ZFP14: variants seen among roughly 807,000 people sequenced by gnomAD.
The protein encoded by ZFP14 is zinc finger protein 14 homolog.
In ZFP14, 22 loss-of-function variants were observed where a neutral mutation model predicts 54.5. The ratio of observed to expected loss-of-function variants is 0.40; its 90% CI spans 0.29 to 0.58. ZFP14 has a LOEUF of 0.58. Among genes scored for constraint, ZFP14 ranks in the 20% least tolerant of loss-of-function variants. The pLI, the probability that ZFP14 is intolerant of heterozygous loss-of-function variation, is 0.39. For synonymous variants in ZFP14, 159 were observed against 204.0 expected (o/e 0.78, Z 1.88); for missense variants, 470 against 637.8 (o/e 0.74, Z 2.83).
rs752396384 is a variant in ZFP14, at chr19:36,340,114, TTCTC to T, written c.*106_*109del. On this transcript the variant is annotated 3_prime_UTR_variant, in exon 5 of 5. Transcript: ENST00000270001. The surrounding 1 kb of genome is among the most constrained non-coding windows in gnomAD (Gnocchi z 5.4). ...GAAGGCTTTTAAATCAACATATTCT[TTCTC>T]TAATATAAAATTTATTATGCTTGGA... The T allele has an allele frequency of 9.4e-6, 11 of 1,173,188 alleles. No homozygotes were observed. The highest frequency in any genetic ancestry group is 1.1e-5 in the Non-Finnish European group (10 of 875,302). 72.7% of individuals were successfully genotyped at this position (1,173,188 alleles called of 1,614,324 possible).
chr19:36,346,135 A>G (rs2031408689), intron 4 of ZFP14, among the ~76,000 whole-genome samples: 1 of 152,084 alleles, frequency 6.6e-6, no homozygotes, highest in Admixed American at 6.6e-5. Flanking sequence ...TCTACAAAAA[A>G]TTAGCCAGGC....
chr19:36,373,230 T>C (rs1461804922), intron 1 of ZFP14, among the ~76,000 whole-genome samples: 1 of 150,782 alleles, frequency 6.6e-6, no homozygotes, highest in Non-Finnish European at 1.5e-5. Context: ...TGAGCCGAGA[T>C]GGCGTCATTG....
intron 1 of ZFP14, among the ~76,000 whole-genome samples, chr19:36,370,954 T>C (rs1190726424): frequency 1.3e-5 from 2 of 152,198 alleles, no homozygotes; most frequent in Admixed American, 6.5e-5. Flanking sequence ...TGGAGATGTC[T>C]GAACTGCCTG....
At chr19:36,349,741 A>G (rs1600071472) in intron 4 of ZFP14, among the ~76,000 whole-genome samples, 1 of 149,170 alleles carries the variant, frequency 6.7e-6, no homozygotes, top group East Asian at 1.9e-4. Context: ...AAATATTAAA[A>G]TGAAAATGAA....
intron 4 of ZFP14, among the ~76,000 whole-genome samples, chr19:36,353,050 A>C (rs1309075266): frequency 7.1e-6 from 1 of 141,156 alleles, no homozygotes; most frequent in Non-Finnish European, 1.6e-5. Flanking sequence ...AGCCATGTTC[A>C]TGTCACTGCC....
intron 2 of ZFP14, among the ~76,000 whole-genome samples, chr19:36,366,566 C>T (rs914725145): frequency 6.6e-6 from 1 of 152,158 alleles, no homozygotes; most frequent in Non-Finnish European, 1.5e-5. Context: ...ATCTGCCCAC[C>T]TCAGCCTCCC....
intron 4 of ZFP14, among the ~76,000 whole-genome samples, chr19:36,359,368 C>A (rs1364954787): frequency 1.3e-5 from 2 of 152,102 alleles, no homozygotes; most frequent in African/African-American, 4.8e-5. Flanking sequence ...ATGTTGGCCT[C>A]ATAAAATGCA....
At chr19:36,348,008 A>G (rs1252676210) in intron 4 of ZFP14, among the ~76,000 whole-genome samples, 2 of 152,280 alleles carry the variant, frequency 1.3e-5, no homozygotes, top group South Asian at 4.1e-4. Flanking sequence ...AGGTGAGCCA[A>G]TATCATGCCA....
intron 4 of ZFP14, among the ~76,000 whole-genome samples, chr19:36,349,257 CAAAA>C (rs1171155676): frequency 4.7e-5 from 2 of 42,240 alleles, no homozygotes; most frequent in Admixed American, 6.9e-4. Context: ...AAAAAAAAAA[CAAAA>C]AAAAAAAAAC....
In ZFP14 at chr19:36,341,198, T is replaced by G; in HGVS notation, c.628A>C (p.Arg210=). 1 of 1,614,160 alleles carries G rather than the reference T, an allele frequency of 6.2e-7. No individual in the cohort carries two copies. The highest frequency in any genetic ancestry group is 8.5e-7 in the Non-Finnish European group (1 of 1,180,028). ...YKCKECGQAF[R]QRAHLIRHHK... ...TGTCGAATAAGATGTGCACGCTGTC[T>G]AAAGGCCTGCCCACATTCCTTACAC... The change falls in exon 5 of 5, where the codon AGA becomes CGA. Residue 210 remains arginine (R), a synonymous_variant. Coordinates refer to ENST00000270001, the MANE Select transcript of ZFP14 (RefSeq NM_020917.3). This position sits in a 1 kb window ranked among gnomAD's most constrained non-coding sequence, Gnocchi z 4.2.
At chr19:36,359,041 T>G (rs1297450955) in intron 4 of ZFP14, among the ~76,000 whole-genome samples, 1 of 152,162 alleles carries the variant, frequency 6.6e-6, no homozygotes, top group Non-Finnish European at 1.5e-5. Flanking sequence ...AAGAAGGCCC[T>G]CAATAGACAC....
At chr19:36,377,776 A>T (rs1265922381) in intron 1 of ZFP14, among the ~76,000 whole-genome samples, 1 of 151,446 alleles carries the variant, frequency 6.6e-6, no homozygotes, top group African/African-American at 2.4e-5. Context: ...TGAACCCGGG[A>T]GGCGGAGGTT....
intron 4 of ZFP14, among the ~76,000 whole-genome samples, chr19:36,342,109 C>G (rs1024663437): frequency 6.6e-6 from 1 of 151,522 alleles, no homozygotes; most frequent in Non-Finnish European, 1.5e-5. Context: ...CCCACCTCGG[C>G]CTCCCAAAGT....
intron 2 of ZFP14, among the ~76,000 whole-genome samples, chr19:36,364,295 G>A (rs1398573496): frequency 6.6e-6 from 1 of 152,124 alleles, no homozygotes; most frequent in African/African-American, 2.4e-5. Context: ...CATCACGCAG[G>A]GGCACAAGGG....
intron 1 of ZFP14, among the ~76,000 whole-genome samples, chr19:36,373,137 C>T (rs868805902): frequency 6.6e-6 from 1 of 151,966 alleles, no homozygotes; most frequent in Admixed American, 6.6e-5. Flanking sequence ...ATTAGCCGGG[C>T]ATGGTAGCAC....
intron 2 of ZFP14, 27 bp downstream of exon 2, chr19:36,367,857 G>T (rs200761980): frequency 1.6e-5 from 26 of 1,607,930 alleles, no homozygotes; most frequent in Non-Finnish European, 2.0e-5. Context: ...ACAGTATTTC[G>T]AAAAGGACAG....
At position 36,353,099 on chromosome 19, in the gene ZFP14, G is replaced by GA. The variant is rs1293374094; in HGVS notation, c.235+7335dup. 6.6e-5 allele frequency among the ~76,000 whole-genome samples: 9 copies of GA among 136,066 alleles called. 1 individual carries two copies. In the East Asian group the frequency reaches 8.6e-4, roughly 13 times the overall value. 89.3% of individuals were successfully genotyped at this position (136,066 alleles called of 152,430 possible). A position where few individuals can be genotyped will look rare whatever the true frequency, so the allele number is the denominator to read the frequency against. On this transcript the variant is annotated intron_variant, in intron 4 of 4. Transcript: ENST00000270001. ...CAACAGAGCAAGACCCTATCTCGAAGAAAAAAAAAAGATCTTCCTTACCCA... is the reference window on the plus strand; with the variant it reads ...CAACAGAGCAAGACCCTATCTCGAAGAAAAAAAAAAAGATCTTCCTTACCCA...
chr19:36,349,576 G>GT (rs1226826599), intron 4 of ZFP14, among the ~76,000 whole-genome samples: 48 of 151,102 alleles, frequency 3.2e-4, no homozygotes, highest in African/African-American at 1.2e-3. Context: ...TGAGGCAGGA[G>GT]TATCACTTGA....
chr19:36,344,193 C>T (rs188180588), intron 4 of ZFP14, among the ~76,000 whole-genome samples: 99 of 152,166 alleles, frequency 6.5e-4, no homozygotes, highest in Admixed American at 1.4e-3. Context: ...TTAGTAGAGA[C>T]GGGGTTTCAC....
Sources: gnomAD v4.1 joint callset for allele counts (sites outside exome capture counted in the v4.1 genomes callset) on GRCh38, gnomAD v4.1.1 for gene constraint, Gnocchi (gnomAD v3.1) non-coding constraint, MANE v1.5 for transcripts, NCBI Gene and HGNC (gene_info 2026-07-23, HGNC 2026-07-21) for gene names.